The following PEX13 variants were observed in gnomAD, a reference collection of about 807,000 sequenced individuals.
PEX13 encodes peroxisome biogenesis factor 13.
In PEX13, 28 loss-of-function variants were observed where a neutral mutation model predicts 34.5. The observed-to-expected ratio is 0.81, with a 90% confidence interval of 0.60 to 1.11. The LOEUF (loss-of-function observed/expected upper bound fraction) is 1.11, where lower values mean the gene tolerates loss of function less well. Ranked by LOEUF, PEX13 falls within the 50% of genes most tolerant of loss-of-function variation. The pLI is 0.00. For missense variants in PEX13, 550 were observed against 491.0 expected, an observed-to-expected ratio of 1.12 and a Z score of -1.13; for synonymous variants, 177 against 175.1, an observed-to-expected ratio of 1.01 and a Z score of -0.09.
chr2:61,019,114 G>C (rs981397623), intron 1 of PEX13: 1 of 152,020 alleles, frequency 6.6e-6, no homozygotes, highest in Non-Finnish European at 1.5e-5. Flanking sequence ...TTGGTGTTTC[G>C]CATACCCAGT....
intron 1 of PEX13, among the ~76,000 whole-genome samples, chr2:61,025,555 C>T (rs187770328): frequency 1.4e-3 from 210 of 152,116 alleles, no homozygotes; most frequent in Non-Finnish European, 1.9e-3. Context: ...GACAGGGTTT[C>T]GCCATGCTGG....
At chr2:61,029,139 CAAAAAA>C (rs539310122) in intron 1 of PEX13, among the ~76,000 whole-genome samples, 1 of 130,438 alleles carries the variant, frequency 7.7e-6, no homozygotes, top group Admixed American at 7.9e-5. Flanking sequence ...ACCCTGTCTC[CAAAAAA>C]AAAAAAAAAA....
chr2:61,020,940 T>A (rs1272153925), intron 1 of PEX13, among the ~76,000 whole-genome samples: 1 of 152,108 alleles, frequency 6.6e-6, no homozygotes, highest in Non-Finnish European at 1.5e-5. Flanking sequence ...CAGGTGTGAG[T>A]CACTATGCCC....
intron 1 of PEX13, among the ~76,000 whole-genome samples, chr2:61,030,168 C>G (rs933917474): frequency 2.6e-5 from 4 of 152,186 alleles, no homozygotes; most frequent in African/African-American, 9.6e-5. Context: ...TCACAAAATA[C>G]TACGTATTGT....
chr2:61,032,111 C>T lies in PEX13; in HGVS notation c.785C>T (p.Thr262Ile). Residue 262 changes from threonine (T) to isoleucine (I), a missense_variant and splice_region_variant, in exon 2 of 4, where the codon ACA (threonine) becomes ATA (isoleucine). By Grantham distance (89) the Thr-to-Ile change is moderately conservative. Coordinates refer to ENST00000295030, the MANE Select transcript of PEX13 (RefSeq NM_002618.4). ...TTGTCTACTCACAGTGATGAAGTAA[C>T]AGGTAAGAGAACTGTAAGGGAACAG... Reference protein sequence around the residue: ...KLLSTHSDEVTDSINWASGED... With the variant: ...KLLSTHSDEVIDSINWASGED... 1 of 1,601,880 alleles carries T rather than the reference C, an allele frequency of 6.2e-7. No individual in the cohort carries two copies. Among genetic ancestry groups the T allele is most frequent in the Non-Finnish European group, 8.6e-7 (1 of 1,169,000 alleles).
chr2:61,019,132 T>G (rs1344141324), intron 1 of PEX13: 5 of 152,302 alleles, frequency 3.3e-5, no homozygotes, highest in African/African-American at 1.2e-4. Flanking sequence ...AGTAATGTTT[T>G]TATATTTTAG....
At chr2:61,042,219 C>G (rs1468594638) in intron 2 of PEX13, among the ~76,000 whole-genome samples, 1 of 152,168 alleles carries the variant, frequency 6.6e-6, no homozygotes, top group African/African-American at 2.4e-5. Context: ...TATTTCCATA[C>G]ATATTGTTAT....
chr2:61,047,106 A>AG (rs1183824409), intron 3 of PEX13, among the ~76,000 whole-genome samples: 1 of 148,226 alleles, frequency 6.7e-6, no homozygotes, highest in Non-Finnish European at 1.5e-5. Flanking sequence ...TTGTCTCAAG[A>AG]AAAAAAAAAC....
At chr2:61,047,947 G>T (rs1261221192) in intron 3 of PEX13, among the ~76,000 whole-genome samples, 1 of 152,042 alleles carries the variant, frequency 6.6e-6, no homozygotes, top group East Asian at 1.9e-4. Context: ...AATAACAAAG[G>T]TCTTCAATTT....
chr2:61,019,920 G>A (rs1489391328), intron 1 of PEX13, among the ~76,000 whole-genome samples: 1 of 152,130 alleles, frequency 6.6e-6, no homozygotes, highest in Non-Finnish European at 1.5e-5. Flanking sequence ...CATGAATATT[G>A]TATAAGCTAC....
intron 1 of PEX13, among the ~76,000 whole-genome samples, chr2:61,029,548 C>T (rs1680416516): frequency 6.6e-6 from 1 of 152,038 alleles, no homozygotes; most frequent in South Asian, 2.1e-4. Flanking sequence ...TAAAAACAGC[C>T]CCAATATACA....
intron 3 of PEX13, among the ~76,000 whole-genome samples, chr2:61,047,855 G>A (rs1680728257): frequency 6.6e-6 from 1 of 152,076 alleles, no homozygotes; most frequent in African/African-American, 2.4e-5. Flanking sequence ...AGATAAAATA[G>A]GAAAATACAA....
chr2:61,036,746 T>C (rs1390099887), intron 2 of PEX13, among the ~76,000 whole-genome samples: 2 of 152,176 alleles, frequency 1.3e-5, no homozygotes, highest in African/African-American at 4.8e-5. Flanking sequence ...GTTAACATCA[T>C]AATGAATGAC....
chr2:61,022,702 A>G (rs546300161), intron 1 of PEX13, among the ~76,000 whole-genome samples: 1 of 152,260 alleles, frequency 6.6e-6, no homozygotes, highest in Admixed American at 6.5e-5. Flanking sequence ...GACTCTGTCT[A>G]TAAAAAATTT....
chr2:61,047,184 C>G (rs990720649), intron 3 of PEX13, among the ~76,000 whole-genome samples: 1 of 151,628 alleles, frequency 6.6e-6, no homozygotes, highest in African/African-American at 2.4e-5. Flanking sequence ...GAGACAGAGT[C>G]TAGCTCTGTT....
At chr2:61,028,543 C>A (rs572949561) in intron 1 of PEX13, among the ~76,000 whole-genome samples, 58 of 151,880 alleles carry the variant, frequency 3.8e-4, no homozygotes, top group African/African-American at 1.3e-3. Context: ...CCCACCACCA[C>A]GTCCGGCTAA....
At chr2:61,036,835 A>C (rs962373300) in intron 2 of PEX13, among the ~76,000 whole-genome samples, 3 of 152,340 alleles carry the variant, frequency 2.0e-5, no homozygotes, top group Middle Eastern at 6.8e-3. Context: ...ACAGACTGGC[A>C]AATTGGATAA....
intron 2 of PEX13, among the ~76,000 whole-genome samples, chr2:61,041,185 C>T (rs1680620923): frequency 1.3e-5 from 2 of 151,990 alleles, no homozygotes; most frequent in Non-Finnish European, 2.9e-5. Flanking sequence ...AAAAAGTATC[C>T]GGGTGTGGTG....
chr2:61,034,148 C>G (rs1255495324), intron 2 of PEX13, among the ~76,000 whole-genome samples: 1 of 152,034 alleles, frequency 6.6e-6, no homozygotes, highest in East Asian at 1.9e-4. Flanking sequence ...AGGTGTAGGC[C>G]ACCACACCCG....
Sources: allele counts gnomAD v4.1 joint callset (sites outside exome capture counted in the v4.1 genomes callset), GRCh38; gene constraint gnomAD v4.1.1; transcripts MANE v1.5; gene names NCBI Gene and HGNC (gene_info 2026-07-23, HGNC 2026-07-21).